COG7: variants seen among roughly 807,000 people sequenced by gnomAD.
The protein encoded by COG7 is component of oligomeric golgi complex 7, also known as conserved oligomeric Golgi complex subunit 7.
A neutral mutation model predicts 91.5 loss-of-function variants in COG7; 49 were observed. The observed-to-expected ratio is 0.54, with a 90% CI of 0.43 to 0.68. The LOEUF is 0.68. Among genes scored for constraint, COG7 ranks in the 30% least tolerant of loss-of-function variants. COG7 has a pLI of 0.00. For missense variants in COG7, 895 were observed against 961.3 expected, an observed-to-expected ratio of 0.93 and a Z score of 0.91; for synonymous variants, 365 against 388.7, an observed-to-expected ratio of 0.94 and a Z score of 0.72.
At chr16:23,428,119 G>C (rs1021508723) in intron 6 of COG7, among the ~76,000 whole-genome samples, 1 of 152,102 alleles carries the variant, frequency 6.6e-6, no homozygotes, top group Admixed American at 6.6e-5. Flanking sequence ...GGAGTTTGCA[G>C]TGAGCCCAGA....
intron 11 of COG7, among the ~76,000 whole-genome samples, chr16:23,409,137 GCTTAT>G (rs1227723763): frequency 6.6e-6 from 1 of 151,384 alleles, no homozygotes; most frequent in African/African-American, 2.4e-5. Flanking sequence ...CACCTGTAAA[GCTTAT>G]CTTATCTCCC....
rs1964288006 is a variant in COG7, at chr16:23,452,841, T to C, written c.154A>G (p.Asn52Asp). 1 of 1,613,152 alleles carries C rather than the reference T, an allele frequency of 6.2e-7. No individual in the cohort carries two copies. Among genetic ancestry groups the C allele is most frequent in the Non-Finnish European group, 8.5e-7 (1 of 1,179,732 alleles). Residue 52 changes from asparagine to aspartate, a missense_variant, in exon 1 of 17, where the codon AAC (asparagine) becomes GAC (aspartate). By Grantham distance (23) the Asn-to-Asp change is conservative (BLOSUM62 1). Coordinates refer to ENST00000307149, the MANE Select transcript of COG7 (RefSeq NM_153603.4). ...AGCGGCTCACCCTCCACGGCGTGGT[T>C]CACCTCTTGGATGAACAGCTGCAGC... is the stretch of plus-strand genomic sequence containing the variant. The part of the protein sequence containing the change: ...MKLQLFIQEV[N>D]HAVEETSHQA...
intron 1 of COG7, among the ~76,000 whole-genome samples, chr16:23,449,309 G>A (rs1250658882): frequency 6.6e-6 from 1 of 150,902 alleles, no homozygotes; most frequent in African/African-American, 2.4e-5. Context: ...CTTGCAGTGC[G>A]TCGAGATCAC....
intron 7 of COG7, among the ~76,000 whole-genome samples, chr16:23,422,158 A>T (rs1273788970): frequency 1.3e-5 from 2 of 152,122 alleles, no homozygotes; most frequent in African/African-American, 4.8e-5. Flanking sequence ...AAAAATTTTT[A>T]AAAATGAGTC....
intron 6 of COG7, among the ~76,000 whole-genome samples, chr16:23,425,187 G>A (rs2142081679): frequency 6.6e-6 from 1 of 152,256 alleles, no homozygotes; most frequent in South Asian, 2.1e-4. Flanking sequence ...GCGCATGCCT[G>A]TAATCCCACC....
At chr16:23,416,316 A>C (rs1963653414) in intron 9 of COG7, 1 of 153,550 alleles carries the variant, frequency 6.5e-6, no homozygotes, top group Non-Finnish European at 1.4e-5. Flanking sequence ...AGCGTGAGCC[A>C]CCACACCCAG....
At chr16:23,423,107 T>C (rs1252344878) in intron 7 of COG7, among the ~76,000 whole-genome samples, 1 of 150,252 alleles carries the variant, frequency 6.7e-6, no homozygotes, top group Admixed American at 6.7e-5. Flanking sequence ...TCACACCTGC[T>C]GTAATCCCAG....
At position 23,444,961 on chromosome 16, in the gene COG7, T is replaced by C. The variant is rs1964158263; in HGVS notation, c.435+87A>G. On this transcript the variant is annotated intron_variant, in intron 3 of 16. Transcript: ENST00000307149. The stretch of plus-strand genomic sequence containing the variant: ...AAGGTTTCTGAATGCTGCTATTGGC[T>C]ATCAACTTTGTATCTCTTTTGCTTT... The C allele has an allele frequency of 3.1e-6, 3 of 967,558 alleles. No individual in the cohort carries two copies. In the Admixed American group the frequency reaches 5.1e-5, roughly 16 times the overall value. 59.9% of individuals were successfully genotyped at this position (967,558 alleles called of 1,614,324 possible).
chr16:23,450,103 T>C (rs564905742), intron 1 of COG7, among the ~76,000 whole-genome samples: 16 of 151,986 alleles, frequency 1.1e-4, no homozygotes, highest in Admixed American at 9.8e-4. Flanking sequence ...CCACCTCTAA[T>C]TTTGTATTTT....
intron 14 of COG7, among the ~76,000 whole-genome samples, chr16:23,395,615 A>G (rs1318267636): frequency 1.3e-5 from 2 of 152,168 alleles, no homozygotes; most frequent in Non-Finnish European, 2.9e-5. Context: ...TCTAACTTCA[A>G]TCAATTGGCC....
chr16:23,445,337 G>A (rs1022568828), intron 2 of COG7, among the ~76,000 whole-genome samples, 173 bp from the exon 3 acceptor site: 18 of 152,086 alleles, frequency 1.2e-4, no homozygotes, highest in Non-Finnish European at 2.5e-4. Context: ...AGATGAACCA[G>A]CTGAAAGACC....
At chr16:23,410,204 C>CA (rs1963539664) in intron 11 of COG7, 91 bp downstream of exon 11, 4 of 977,198 alleles carry the variant, frequency 4.1e-6, no homozygotes, top group Non-Finnish European at 6.5e-6. Flanking sequence ...TCACATCTGG[C>CA]ATATGCTGTC....
chr16:23,419,840 C>T (rs1049997414), intron 7 of COG7, among the ~76,000 whole-genome samples: 2 of 148,018 alleles, frequency 1.4e-5, no homozygotes, highest in Non-Finnish European at 3.0e-5. Flanking sequence ...TTCCTAGAAA[C>T]AGAATACCCC....
intron 8 of COG7, chr16:23,417,327 G>A: frequency 1.6e-6 from 1 of 610,722 alleles, no homozygotes; most frequent in Non-Finnish European, 2.9e-6. Flanking sequence ...ATTCACTCCT[G>A]GCAGAAAAGC....
At chr16:23,396,348 TC>T (rs1400092718) in intron 14 of COG7, among the ~76,000 whole-genome samples, 1 of 152,106 alleles carries the variant, frequency 6.6e-6, no homozygotes, top group African/African-American at 2.4e-5. Context: ...ATTTTCTGAA[TC>T]AATTTAGACT....
intron 11 of COG7, among the ~76,000 whole-genome samples, chr16:23,406,582 G>A (rs577553760): frequency 1.3e-5 from 2 of 152,282 alleles, no homozygotes; most frequent in South Asian, 2.1e-4. Flanking sequence ...ACCTTCTATG[G>A]AGACTTTTCT....
chr16:23,451,607 T>C (rs913106194), intron 1 of COG7, among the ~76,000 whole-genome samples: 1 of 151,580 alleles, frequency 6.6e-6, no homozygotes, highest in Non-Finnish European at 1.5e-5. Context: ...ATAGTTCCAG[T>C]TACTTGGGAG....
In COG7 at chr16:23,433,571, G is replaced by T; in HGVS notation, c.784C>A (p.His262Asn). 11 of 1,614,076 alleles carry T rather than the reference G, an allele frequency of 6.8e-6. No homozygotes were observed. The highest frequency in any genetic ancestry group is 9.3e-6 in the Non-Finnish European group (11 of 1,179,998). ...GLYDALLGAW[H>N]TQIQWATQVF... ...TGTGTAGCCCACTGGATTTGTGTGTGCCAAGCACCAAGCAAGGCATCATAG... is the reference window on the plus strand; with the variant it reads ...TGTGTAGCCCACTGGATTTGTGTGTTCCAAGCACCAAGCAAGGCATCATAG... The change falls in exon 6 of 17, where the codon CAC becomes AAC. Residue 262 changes from histidine (H) to asparagine (N), a missense_variant. Physicochemically the swap from His to Asn is moderately conservative, Grantham distance 68. Coordinates refer to ENST00000307149, the MANE Select transcript of COG7 (RefSeq NM_153603.4).
intron 7 of COG7, among the ~76,000 whole-genome samples, chr16:23,423,666 C>A (rs1963797119): frequency 6.6e-6 from 1 of 152,146 alleles, no homozygotes; most frequent in South Asian, 2.1e-4. Flanking sequence ...CTGGAACGTA[C>A]AAGGCAATTA....
Sources: allele counts gnomAD v4.1 joint callset (sites outside exome capture counted in the v4.1 genomes callset), GRCh38; gene constraint gnomAD v4.1.1; transcripts MANE v1.5; gene names NCBI Gene and HGNC (gene_info 2026-07-23, HGNC 2026-07-21).